The following GDAP1 variants were observed in gnomAD, a reference collection of about 807,000 sequenced individuals.
The protein encoded by GDAP1 is ganglioside induced differentiation associated protein 1, also known as ganglioside-induced differentiation-associated protein 1.
A neutral mutation model predicts 40.1 loss-of-function variants in GDAP1; 34 were observed. That is an observed-to-expected ratio of 0.85 (90% CI 0.64 to 1.13). GDAP1 has a LOEUF of 1.13. Among genes scored for constraint, GDAP1 ranks in the 50% most tolerant of loss-of-function variants. The probability of loss-of-function intolerance (pLI) is 0.00; values close to 1 mark genes in which losing one functional copy is unlikely to be tolerated. For synonymous variants in GDAP1, 170 were observed against 157.4 expected, an observed-to-expected ratio of 1.08 and a Z score of -0.60; for missense variants, 374 against 433.7, an observed-to-expected ratio of 0.86 and a Z score of 1.22.
At chr8:74,421,575 T>A (rs1207817485) in intron 2 of GDAP1, among the ~76,000 whole-genome samples, 1 of 152,174 alleles carries the variant, frequency 6.6e-6, no homozygotes, top group African/African-American at 2.4e-5. Context: ...AAAGTGATGG[T>A]AACCATATTG....
At position 74,401,388 on chromosome 8, in the gene GDAP1, T is replaced by C. The variant is rs962145683; in HGVS notation, c.165+50067T>C. 6.0e-5 allele frequency among the ~76,000 whole-genome samples: 9 copies of C among 150,052 alleles called. 1 individual carries two copies. Among genetic ancestry groups the C allele is most frequent in the African/African-American group, 2.3e-4 (9 of 39,352 alleles). On this transcript the variant is annotated intron_variant, in intron 2 of 2. Transcript: ENST00000523640. ...CATTCTTCACGTAGTTCTCGAGCCTTGGCTTTCAGCTCCGTCAGCTCCTTT... is the reference window on the plus strand; with the variant it reads ...CATTCTTCACGTAGTTCTCGAGCCTCGGCTTTCAGCTCCGTCAGCTCCTTT...
chr8:74,483,302 T>G (rs994563248), intron 2 of GDAP1, among the ~76,000 whole-genome samples: 2 of 152,132 alleles, frequency 1.3e-5, no homozygotes. Flanking sequence ...GTAGGCAGCA[T>G]ATAATGAGGG....
intron 2 of GDAP1, among the ~76,000 whole-genome samples, chr8:74,397,088 G>A (rs538694514): frequency 6.6e-6 from 1 of 152,024 alleles, no homozygotes; most frequent in Non-Finnish European, 1.5e-5. Flanking sequence ...GTTTTGATTT[G>A]CATTTCTCTG....
In GDAP1 at chr8:74,364,702, T is replaced by G. The variant is rs1166443657; in HGVS notation, c.*335T>G. ...CTGTCTCATTGGTAAACCTCACATT[T>G]AGTTACTTGTGGCTACTGCCCACAC... is the stretch of plus-strand genomic sequence containing the variant. On this transcript the variant is annotated 3_prime_UTR_variant, in exon 6 of 6. Transcript: ENST00000220822. 1 of 479,652 alleles carries G rather than the reference T, an allele frequency of 2.1e-6. No homozygotes were observed. The highest frequency in any genetic ancestry group is 4.1e-6 in the Non-Finnish European group (1 of 244,322). 29.7% of individuals were successfully genotyped at this position (479,652 alleles called of 1,614,324 possible).
At chr8:74,401,593 T>C (rs1194967119) in intron 2 of GDAP1, among the ~76,000 whole-genome samples, 1 of 145,514 alleles carries the variant, frequency 6.9e-6, no homozygotes. Flanking sequence ...CCATTGCTGG[T>C]GAGGAAATGC....
At chr8:74,448,642 A>G (rs1806261368) in intron 2 of GDAP1, among the ~76,000 whole-genome samples, 2 of 152,018 alleles carry the variant, frequency 1.3e-5, no homozygotes, top group African/African-American at 4.8e-5. Flanking sequence ...GTAAAATGTT[A>G]TCTAATTGTG....
chr8:74,388,815 A>C (rs757141099), intron 2 of GDAP1, among the ~76,000 whole-genome samples: 23 of 152,154 alleles, frequency 1.5e-4, no homozygotes, highest in Non-Finnish European at 2.9e-4. Context: ...GGGAGTCTTA[A>C]GTCTCTTTGT....
intron 2 of GDAP1, among the ~76,000 whole-genome samples, chr8:74,378,913 G>A (rs1809904027): frequency 6.6e-6 from 1 of 152,202 alleles, no homozygotes; most frequent in Non-Finnish European, 1.5e-5. Flanking sequence ...TTAGGGAAGA[G>A]TTGCTTATAG....
intron 2 of GDAP1, among the ~76,000 whole-genome samples, chr8:74,391,118 A>C (rs1242292693): frequency 1.3e-5 from 2 of 151,978 alleles, no homozygotes; most frequent in African/African-American, 4.8e-5. Flanking sequence ...GCTGGGCTCC[A>C]TGGGGGTGGG....
In GDAP1 at chr8:74,400,621, T is replaced by G. The variant is rs1810311015; in HGVS notation, c.165+49300T>G. Among the ~76,000 whole-genome samples the G allele has an allele frequency of 1.3e-5, 2 of 149,994 alleles. 1 individual carries two copies. The highest frequency in any genetic ancestry group is 1.3e-4 in the Admixed American group (2 of 15,234). The stretch of plus-strand genomic sequence containing the variant: ...TGATGTTAGCTGGTTATTTTGCTTG[T>G]TAGTTGATGCAGTTTCTTCCTAGCC... On this transcript the variant is annotated intron_variant, in intron 2 of 2. Coordinates refer to the GDAP1 transcript ENST00000523640.
chr8:74,466,820 G>A (rs938384324), intron 2 of GDAP1, among the ~76,000 whole-genome samples: 1 of 152,190 alleles, frequency 6.6e-6, no homozygotes, highest in African/African-American at 2.4e-5. Context: ...TTGCAGGCAG[G>A]AGACTGAGTG....
rs755615054 is a variant in GDAP1, at chr8:74,415,082, T to C, written c.165+63761T>C. ...ATCCAAAATTTATGTCTAGCAAAGATATCCTTCCAGAGTGAAAGAGTAATA... is the reference window on the plus strand; with the variant it reads ...ATCCAAAATTTATGTCTAGCAAAGACATCCTTCCAGAGTGAAAGAGTAATA... On this transcript the variant is annotated intron_variant, in intron 2 of 2. Coordinates refer to the GDAP1 transcript ENST00000523640. Among the ~76,000 whole-genome samples the C allele has an allele frequency of 6.7e-5, 10 of 150,094 alleles. 1 individual carries two copies. Among genetic ancestry groups the C allele is most frequent in the Non-Finnish European group, 1.2e-4 (8 of 68,032 alleles).
chr8:74,421,461 T>A (rs1465248426), intron 2 of GDAP1, among the ~76,000 whole-genome samples: 1 of 152,194 alleles, frequency 6.6e-6, no homozygotes, highest in East Asian at 1.9e-4. Context: ...GAAGAGTACT[T>A]GTCACTATTG....
intron 2 of GDAP1, among the ~76,000 whole-genome samples, chr8:74,481,347 T>G: frequency 6.6e-6 from 1 of 152,248 alleles, no homozygotes; most frequent in Non-Finnish European, 1.5e-5. Flanking sequence ...ATAGCTGCAG[T>G]AATGGCATCT....
chr8:74,418,292 C>A (rs545082314), intron 2 of GDAP1, among the ~76,000 whole-genome samples: 30 of 152,136 alleles, frequency 2.0e-4, no homozygotes, highest in Non-Finnish European at 4.1e-4. Context: ...AGACTTACCA[C>A]AAAGCTACAG....
intron 2 of GDAP1, among the ~76,000 whole-genome samples, chr8:74,425,010 C>T (rs1482711239): frequency 2.0e-5 from 3 of 152,214 alleles, no homozygotes; most frequent in Admixed American, 6.5e-5. Context: ...CTTCTTGGAT[C>T]CTTCTCCTTT....
chr8:74,413,779 A>G (rs1036626790), intron 2 of GDAP1, among the ~76,000 whole-genome samples: 2 of 146,558 alleles, frequency 1.4e-5, no homozygotes, highest in African/African-American at 5.4e-5. Flanking sequence ...GGTTGCAACC[A>G]TAGGAAGTAC....
chr8:74,445,130 T>C (rs1404025166), intron 2 of GDAP1, among the ~76,000 whole-genome samples: 1 of 152,202 alleles, frequency 6.6e-6, no homozygotes, highest in East Asian at 1.9e-4. Flanking sequence ...CATAGAATCA[T>C]GGAGTTGGAA....
chr8:74,375,999 A>G (rs1460418316), intron 2 of GDAP1, among the ~76,000 whole-genome samples: 2 of 152,260 alleles, frequency 1.3e-5, no homozygotes, highest in Non-Finnish European at 2.9e-5. Flanking sequence ...AATGAAGTGA[A>G]AAATTCCTTT....
Sources: allele counts gnomAD v4.1 joint callset (sites outside exome capture counted in the v4.1 genomes callset), GRCh38; gene constraint gnomAD v4.1.1; transcripts MANE v1.5; gene names NCBI Gene and HGNC (gene_info 2026-07-23, HGNC 2026-07-21).